HSPBP1: variants seen among roughly 807,000 people sequenced by gnomAD.
HSPBP1 encodes HSPA (Hsp70) binding protein 1, also known as hsp70-binding protein 1.
A neutral mutation model predicts 41.7 loss-of-function variants in HSPBP1; 31 were observed. That is an observed-to-expected ratio of 0.74 (90% confidence interval 0.56 to 1.00). The LOEUF (loss-of-function observed/expected upper bound fraction) is 1.00, where lower values mean the gene tolerates loss of function less well. Ranked by LOEUF, HSPBP1 falls within the 50% of genes least tolerant of loss-of-function variation. HSPBP1 has a pLI of 0.00. For missense variants in HSPBP1, 439 were observed against 487.9 expected, an observed-to-expected ratio of 0.90 and a Z score of 0.94; for synonymous variants, 199 against 214.4, an observed-to-expected ratio of 0.93 and a Z score of 0.63.
intron 2 of HSPBP1, among the ~76,000 whole-genome samples, chr19:55,278,454 C>T (rs1396704791): frequency 2.0e-5 from 3 of 151,946 alleles, no homozygotes; most frequent in African/African-American, 7.3e-5. Context: ...CAGTAATTGT[C>T]GATTAAACAT....
intron 4 of HSPBP1, among the ~76,000 whole-genome samples, chr19:55,269,027 C>T (rs910549767): frequency 3.3e-5 from 5 of 152,126 alleles, no homozygotes; most frequent in Non-Finnish European, 7.4e-5. Flanking sequence ...CTGGAAAACA[C>T]AAAGACTCCT....
In HSPBP1 at chr19:55,274,609, C is replaced by T. The variant is rs747281033; in HGVS notation, c.429G>A (p.Leu143=). 6 of 1,605,500 alleles carry T rather than the reference C, an allele frequency of 3.7e-6. No homozygotes were observed. In the South Asian group the frequency reaches 4.4e-5, roughly 12 times the overall value. The change falls in exon 4 of 8, where the codon CTG becomes CTA. Residue 143 remains leucine (L), a synonymous_variant. Transcript: ENST00000433386. ...NMDNAADFCQ[L]SGMHLLVGRY... ...GGCCCACCAGCAGGTGCATGCCAGA[C>T]AGCTGGCAGAAGTCTGTGCCACAGA...
chr19:55,276,468 T>C (rs971404700), intron 3 of HSPBP1, among the ~76,000 whole-genome samples: 1 of 152,126 alleles, frequency 6.6e-6, no homozygotes, highest in African/African-American at 2.4e-5. Context: ...AAGATACACA[T>C]ATATATTTAT....
intron 2 of HSPBP1, among the ~76,000 whole-genome samples, chr19:55,278,923 C>CCCCACAAA: frequency 1.1e-5 from 1 of 90,668 alleles, no homozygotes; most frequent in South Asian, 3.9e-4. Flanking sequence ...CTGCCCCCAC[C>CCCCACAAA]AAAAAAAAAA....
chr19:55,279,363 C>T, intron 2 of HSPBP1, 36 bp downstream of exon 2: 1 of 1,548,458 alleles, frequency 6.5e-7, no homozygotes, highest in Non-Finnish European at 8.7e-7. Context: ...TGTCCCCAGG[C>T]CCCTCACCCC....
chr19:55,271,581 TCTC>T (rs2087925042), intron 4 of HSPBP1, among the ~76,000 whole-genome samples: 1 of 151,974 alleles, frequency 6.6e-6, no homozygotes, highest in Non-Finnish European at 1.5e-5. Flanking sequence ...TCTTCCGGAA[TCTC>T]CTCCTACCCA....
intron 2 of HSPBP1, among the ~76,000 whole-genome samples, chr19:55,278,508 G>A (rs946774612): frequency 5.9e-5 from 9 of 152,128 alleles, no homozygotes; most frequent in Non-Finnish European, 1.3e-4. Context: ...ACAACTCTAT[G>A]AGGTATATAT....
chr19:55,265,909 C>T lies in HSPBP1; in HGVS notation c.870G>A (p.Glu290=). 1 of 1,607,818 alleles carries T rather than the reference C, an allele frequency of 6.2e-7. No homozygotes were observed. Among genetic ancestry groups the T allele is most frequent in the Non-Finnish European group, 8.5e-7 (1 of 1,178,168 alleles). The change falls in exon 6 of 8, where the codon GAG becomes GAA. Residue 290 remains glutamate, a synonymous_variant. Coordinates refer to ENST00000433386, the MANE Select transcript of HSPBP1 (RefSeq NM_012267.5). ...ACCTGCACAGGGCTCCAAGCACGTG[C>T]TCGTGGAAGGGGCTGTGCTCTGTCC... ...LVRTEHSPFH[E]HVLGALCSLV...
chr19:55,274,347 A>ACCCCCC (rs11427517), intron 4 of HSPBP1, 51 bp downstream of exon 4: 100 of 327,954 alleles, frequency 3.0e-4, no homozygotes, highest in Middle Eastern at 8.4e-4. Context: ...CCCACCCGGC[A>ACCCCCC]CCCCCCCCCA....
Position 55,262,420 on chromosome 19 carries a change from G to T in HSPBP1, c.*188C>A. On this transcript the variant is annotated 3_prime_UTR_variant, in exon 8 of 8. Transcript: ENST00000433386. Reference sequence around the variant, plus strand: ...AGAACGGGGATGAGAGTGAGAGCATGGGAGGTGGGGTCCAAGGAGCTGGTG... The same window carrying T: ...AGAACGGGGATGAGAGTGAGAGCATTGGAGGTGGGGTCCAAGGAGCTGGTG... 7.1e-7 allele frequency: 1 copy of T among 1,413,468 alleles called. No homozygotes were observed. Among genetic ancestry groups the T allele is most frequent in the Non-Finnish European group, 9.2e-7 (1 of 1,085,352 alleles). The allele number at this position is 1,413,468 out of a possible 1,614,324, so 87.6% of individuals were successfully genotyped here. A position where few individuals can be genotyped will look rare whatever the true frequency, so the allele number is the denominator to read the frequency against.
At chr19:55,274,350 C>CG (rs975571875) in intron 4 of HSPBP1, 48 bp downstream of exon 4, 19 of 536,358 alleles carry the variant, frequency 3.5e-5, no homozygotes, top group Admixed American at 1.6e-4. Flanking sequence ...ACCCGGCACC[C>CG]CCCCCCACCG....
At chr19:55,265,218 G>A (rs1360781033) in intron 7 of HSPBP1, 60 bp downstream of exon 7, 4 of 1,136,010 alleles carry the variant, frequency 3.5e-6, no homozygotes, top group African/African-American at 3.5e-5. Flanking sequence ...TCCTCCTGGA[G>A]CCCTTGTCCC....
rs2087769187 is a variant in HSPBP1, at chr19:55,266,173, A to C, written c.754T>G (p.Phe252Val). 6.3e-7 allele frequency: 1 copy of C among 1,593,744 alleles called. No individual in the cohort carries two copies. The highest frequency in any genetic ancestry group is 1.7e-5 in the Admixed American group (1 of 57,438). The change falls in exon 5 of 8, where the codon TTC (phenylalanine) becomes GTC (valine). Residue 252 changes from phenylalanine to valine, a missense_variant. By Grantham distance (50) the Phe-to-Val change is conservative. Transcript: ENST00000433386. Reference protein sequence around the residue: ...QVQKLKVKSAFLLQNLLVGHP... With the variant: ...QVQKLKVKSAVLLQNLLVGHP... ...CCCACCAGCAGGTTCTGCAGCAGGAATGCTGATTTGACCTTGAGCTTCTGC... is the reference window on the plus strand; with the variant it reads ...CCCACCAGCAGGTTCTGCAGCAGGACTGCTGATTTGACCTTGAGCTTCTGC...
Position 55,277,704 on chromosome 19 carries a change from T to G in HSPBP1, c.353A>C (p.Gln118Pro), listed in dbSNP as rs570763744. 1 of 1,605,582 alleles carries G rather than the reference T, an allele frequency of 6.2e-7. No homozygotes were observed. Among genetic ancestry groups the G allele is most frequent in the African/African-American group, 1.3e-5 (1 of 74,948 alleles). Reference protein sequence around the residue: ...AGEAEQAADQQEREGALELLA... With the variant: ...AGEAEQAADQPEREGALELLA... ...CAGCTCCAGGGCCCCCTCTCGCTCT[T>G]GCTGGTCGGCCGCCTGCTCGGCCTC... The change falls in exon 3 of 8, where the codon CAA becomes CCA. Residue 118 changes from glutamine to proline, a missense_variant. Physicochemically the swap from Gln to Pro is moderately conservative, Grantham distance 76. Transcript: ENST00000433386.
At chr19:55,278,013 G>C (rs756800277) in intron 2 of HSPBP1, among the ~76,000 whole-genome samples, 167 bp from the exon 3 acceptor site, 21 of 152,220 alleles carry the variant, frequency 1.4e-4, no homozygotes, top group Non-Finnish European at 2.9e-4. Context: ...TTGGGAGGCC[G>C]AGGTGGGTAG....
chr19:55,269,604 A>G (rs2087869670), intron 4 of HSPBP1, among the ~76,000 whole-genome samples: 2 of 152,224 alleles, frequency 1.3e-5, no homozygotes, highest in Non-Finnish European at 2.9e-5. Context: ...AAAGCAGATT[A>G]CTAAGCCAAA....
intron 4 of HSPBP1, among the ~76,000 whole-genome samples, chr19:55,273,336 T>C (rs746214757): frequency 6.6e-5 from 10 of 152,138 alleles, no homozygotes; most frequent in Non-Finnish European, 1.2e-4. Flanking sequence ...GTATGGCCTA[T>C]GAATTACATC....
chr19:55,265,854 C>G (rs1163125897), intron 6 of HSPBP1, 32 bp downstream of exon 6: 1 of 1,525,040 alleles, frequency 6.6e-7, no homozygotes. Flanking sequence ...GGCCCCCACC[C>G]CAGGCCCCGT....
At chr19:55,273,226 G>A (rs749766031) in intron 4 of HSPBP1, among the ~76,000 whole-genome samples, 2 of 152,170 alleles carry the variant, frequency 1.3e-5, no homozygotes, top group African/African-American at 2.4e-5. Context: ...CTGGGCTCGA[G>A]CAATTCTCCC....
Sources: gnomAD v4.1 joint callset for allele counts (sites outside exome capture counted in the v4.1 genomes callset) on GRCh38, gnomAD v4.1.1 for gene constraint, MANE v1.5 for transcripts, NCBI Gene and HGNC (gene_info 2026-07-23, HGNC 2026-07-21) for gene names.